MAST4: variants seen among roughly 807,000 people sequenced by gnomAD.
MAST4 encodes microtubule associated serine/threonine kinase family member 4.
MAST4 carries 89 observed loss-of-function variants against 162.7 expected under a neutral mutation model. The observed-to-expected ratio is 0.55, with a 90% CI of 0.46 to 0.65. The LOEUF (loss-of-function observed/expected upper bound fraction) is 0.65, where lower values mean the gene tolerates loss of function less well. Ranked by LOEUF, MAST4 falls within the 30% of genes least tolerant of loss-of-function variation. The pLI, the probability that MAST4 is intolerant of heterozygous loss-of-function variation, is 0.00. For missense variants in MAST4, 3,153 were observed against 3,374.0 expected, an observed-to-expected ratio of 0.93 and a Z score of 1.62; for synonymous variants, 1,479 against 1,361.1, an observed-to-expected ratio of 1.09 and a Z score of -1.91.
At chr5:66,918,309 A>G (rs897456619) in intron 4 of MAST4, among the ~76,000 whole-genome samples, 1 of 152,190 alleles carries the variant, frequency 6.6e-6, no homozygotes, top group Non-Finnish European at 1.5e-5. Context: ...TGTAAATATG[A>G]TGTGAACAAA....
At chr5:66,679,812 G>A (rs1160554612) in intron 1 of MAST4, among the ~76,000 whole-genome samples, 2 of 152,036 alleles carry the variant, frequency 1.3e-5, no homozygotes, top group African/African-American at 2.4e-5. Context: ...CCTGCCACGT[G>A]CACAACTATT....
At chr5:66,833,407 C>G (rs577503739) in intron 3 of MAST4, among the ~76,000 whole-genome samples, 10 of 152,192 alleles carry the variant, frequency 6.6e-5, no homozygotes, top group African/African-American at 2.4e-4. Context: ...ATCTCCTATT[C>G]ATCCTGCTTT....
chr5:66,886,339 G>A (rs1347691856), intron 3 of MAST4, among the ~76,000 whole-genome samples: 1 of 152,104 alleles, frequency 6.6e-6, no homozygotes, highest in African/African-American at 2.4e-5. Context: ...GTGTAATTCA[G>A]TTTTCTTTTT....
intron 3 of MAST4, among the ~76,000 whole-genome samples, chr5:66,858,746 C>T (rs1284196572): frequency 6.6e-6 from 1 of 152,070 alleles, no homozygotes; most frequent in Non-Finnish European, 1.5e-5. Flanking sequence ...TACAGTGGCT[C>T]TTGAAATTAA....
chr5:67,145,301 C>T lies in MAST4; in HGVS notation c.3016C>T (p.Leu1006Phe). The change falls in exon 23 of 29, where the codon CTT (leucine) becomes TTT (phenylalanine). Residue 1006 changes from leucine (L) to phenylalanine (F), a missense_variant. This residue lies in a region of MAST4 where 619 missense variants were observed against 744.2 expected (regional missense o/e 0.83). Coordinates refer to ENST00000403625, the MANE Select transcript of MAST4 (RefSeq NM_001164664.2). ...CCATGAGGAGCCAGGAAAGCCAGCC[C>T]TTCCTCCTGAAGAGTGTGCCCAGGA... ...DPHEEPGKPA[L>F]PPEECAQEEP... The T allele has an allele frequency of 6.2e-7, 1 of 1,613,900 alleles. No homozygotes were observed.
Position 66,671,975 on chromosome 5 carries a change from G to A in MAST4, c.363+74957G>A, listed in dbSNP as rs141198639. Among the ~76,000 whole-genome samples, 79 of 152,278 alleles carry A rather than the reference G, an allele frequency of 5.2e-4. 1 individual carries two copies. In the East Asian group the frequency reaches 0.013, roughly 25 times the overall value. On this transcript the variant is annotated intron_variant, in intron 1 of 28. Transcript: ENST00000403625. ...AGTGTCTTACATTGGCAAACTATAA[G>A]TTCTCCCATTTTTAGCTCAGAAACC...
In MAST4 at chr5:67,049,798, A is replaced by G. The variant is rs552951623; in HGVS notation, c.675-4606A>G. 4.6e-5 allele frequency among the ~76,000 whole-genome samples: 7 copies of G among 152,314 alleles called. No individual in the cohort carries two copies. The South Asian group carries it at 1.4e-3, about 32-fold the overall frequency. ...TTTCTTGCCATGGTCAGAAATGATC[A>G]GAATTTATGTCTCAAAGTGAATGTA... On this transcript the variant is annotated intron_variant, in intron 4 of 28. Coordinates refer to ENST00000403625, the MANE Select transcript of MAST4 (RefSeq NM_001164664.2).
intron 3 of MAST4, among the ~76,000 whole-genome samples, chr5:66,794,927 G>A (rs1430998639): frequency 6.6e-6 from 1 of 152,160 alleles, no homozygotes; most frequent in African/African-American, 2.4e-5. Context: ...AAAAAGAAAT[G>A]CATTATAAGA....
intron 4 of MAST4, among the ~76,000 whole-genome samples, chr5:66,902,221 T>C (rs1180014246): frequency 6.6e-6 from 1 of 152,192 alleles, no homozygotes; most frequent in Non-Finnish European, 1.5e-5. Context: ...TCTTATTGTC[T>C]TTGGTTATAC....
intron 3 of MAST4, among the ~76,000 whole-genome samples, chr5:66,809,433 T>C (rs1297067781): frequency 6.6e-6 from 1 of 152,206 alleles, no homozygotes; most frequent in Non-Finnish European, 1.5e-5. Context: ...GGGGATAATC[T>C]TCCTGGGAGG....
chr5:67,004,805 A>T, intron 4 of MAST4: 4 of 570,774 alleles, frequency 7.0e-6, no homozygotes, highest in Non-Finnish European at 1.3e-5. Flanking sequence ...CTAGGACGGG[A>T]CGGGTACTTC....
At chr5:66,721,303 C>T (rs1416473920) in intron 1 of MAST4, among the ~76,000 whole-genome samples, 1 of 152,158 alleles carries the variant, frequency 6.6e-6, no homozygotes, top group Non-Finnish European at 1.5e-5. Context: ...AGACTATAGG[C>T]TTTCATCCCT....
intron 4 of MAST4, among the ~76,000 whole-genome samples, chr5:66,918,796 A>T (rs1317681715): frequency 6.6e-6 from 1 of 152,206 alleles, no homozygotes; most frequent in African/African-American, 2.4e-5. Context: ...CAAAAATAAA[A>T]TGGTGAAATG....
chr5:66,899,428 T>C (rs184220780), intron 3 of MAST4, among the ~76,000 whole-genome samples: 1 of 152,322 alleles, frequency 6.6e-6, no homozygotes, highest in African/African-American at 2.4e-5. Flanking sequence ...TTTTGAGAAA[T>C]AATACCAAAA....
intron 7 of MAST4, among the ~76,000 whole-genome samples, chr5:67,096,886 A>G (rs1169989472): frequency 6.6e-6 from 1 of 152,214 alleles, no homozygotes; most frequent in East Asian, 1.9e-4. Flanking sequence ...TTTCAGAGGC[A>G]TATCAGCATC....
chr5:66,931,850 ACACCTGGTGATCC>A (rs1440759618), intron 4 of MAST4, among the ~76,000 whole-genome samples: 3 of 152,172 alleles, frequency 2.0e-5, no homozygotes, highest in African/African-American at 4.8e-5. Context: ...AATAATACTG[ACACCTGGTGATCC>A]CGTAGTGTGA....
At chr5:67,096,054 C>T (rs1260650288) in intron 7 of MAST4, among the ~76,000 whole-genome samples, 3 of 151,794 alleles carry the variant, frequency 2.0e-5, no homozygotes, top group South Asian at 2.1e-4. Flanking sequence ...GTCTTTCTTC[C>T]TATGTGGCTT....
chr5:66,986,567 A>T, intron 4 of MAST4: 1 of 711,514 alleles, frequency 1.4e-6, no homozygotes, highest in Non-Finnish European at 2.0e-6. Context: ...TTCCATATAG[A>T]CATATATATA....
chr5:66,956,560 G>A (rs1036702718), intron 4 of MAST4, among the ~76,000 whole-genome samples: 7 of 152,184 alleles, frequency 4.6e-5, no homozygotes, highest in African/African-American at 1.7e-4. Context: ...GAATGCAGGG[G>A]ATGTGCTTGA....
Sources: gnomAD v4.1 joint callset for allele counts (sites outside exome capture counted in the v4.1 genomes callset) on GRCh38, gnomAD v4.1.1 for gene constraint, gnomAD v4.1.1 regional missense constraint, MANE v1.5 for transcripts, NCBI Gene and HGNC (gene_info 2026-07-23, HGNC 2026-07-21) for gene names.